The following COL12A1 variants were observed in gnomAD, a reference collection of about 807,000 sequenced individuals.
COL12A1 encodes collagen alpha-1(XII) chain.
A neutral mutation model predicts 349.7 loss-of-function variants in COL12A1; 114 were observed. The ratio of observed to expected loss-of-function variants is 0.33; its 90% CI spans 0.28 to 0.38. The LOEUF is 0.38. Among genes scored for constraint, COL12A1 ranks in the 10% least tolerant of loss-of-function variants. The pLI is 1.00. For missense variants in COL12A1, 3,284 were observed against 3,756.9 expected (o/e 0.87, Z 3.29); for synonymous variants, 1,369 against 1,329.0 (o/e 1.03, Z -0.66).
intron 13 of COL12A1, among the ~76,000 whole-genome samples, chr6:75,172,819 T>C (rs1582174407): frequency 6.6e-6 from 1 of 152,214 alleles, no homozygotes; most frequent in South Asian, 2.1e-4. Flanking sequence ...TCCACTTATA[T>C]GCAGATTTAT....
At chr6:75,117,588 T>C (rs747320948) in intron 46 of COL12A1, 42 bp from the exon 47 acceptor site, 7 of 1,593,594 alleles carry the variant, frequency 4.4e-6, no homozygotes, top group Non-Finnish European at 6.0e-6. Flanking sequence ...TATCTCTTTT[T>C]CTGTCCTTGT....
At chr6:75,115,340 T>C (rs568803859) in intron 49 of COL12A1, among the ~76,000 whole-genome samples, 150 of 152,182 alleles carry the variant, frequency 9.9e-4, no homozygotes, top group African/African-American at 3.5e-3. Context: ...CATCAGCCAA[T>C]AAAAACTACA....
chr6:75,136,298 TAA>T (rs1286018328), intron 31 of COL12A1, among the ~76,000 whole-genome samples: 1 of 152,230 alleles, frequency 6.6e-6, no homozygotes, highest in Non-Finnish European at 1.5e-5. Context: ...CAGTTGATAT[TAA>T]GTTTATTAAT....
rs1460088635 is a variant in COL12A1, at chr6:75,137,481, T to C, written c.5350A>G (p.Arg1784Gly). Residue 1784 changes from arginine (R) to glycine (G), a missense_variant, in exon 31 of 66, where the codon AGG (arginine) becomes GGG (glycine). This residue lies in a region of COL12A1 where 2,601 missense variants were observed against 2,824.8 expected (regional missense o/e 0.92). Coordinates refer to ENST00000322507, the MANE Select transcript of COL12A1 (RefSeq NM_004370.6). Reference protein sequence around the residue: ...DPASGRVQKYRITYQPSTGEG... With the variant: ...DPASGRVQKYGITYQPSTGEG... ...CCTGTGGAAGGCTGATAAGTGATCCTATATTTCTGCACACGACCACTAGCA... is the reference window on the plus strand; with the variant it reads ...CCTGTGGAAGGCTGATAAGTGATCCCATATTTCTGCACACGACCACTAGCA... The C allele has an allele frequency of 6.2e-7, 1 of 1,613,630 alleles. No homozygotes were observed. The highest frequency in any genetic ancestry group is 1.3e-5 in the African/African-American group (1 of 74,920).
At chr6:75,161,047 G>A (rs1215559389) in intron 14 of COL12A1, among the ~76,000 whole-genome samples, 1 of 152,044 alleles carries the variant, frequency 6.6e-6, no homozygotes, top group African/African-American at 2.4e-5. Context: ...GTAGCTCAGG[G>A]CGAAAGGGAG....
chr6:75,144,852 A>G lies in COL12A1; in HGVS notation c.4690+474T>C, dbSNP rs116143217. 1.2e-3 allele frequency among the ~76,000 whole-genome samples: 183 copies of G among 152,352 alleles called. 1 individual carries two copies. Among genetic ancestry groups the G allele is most frequent in the African/African-American group, 4.3e-3 (179 of 41,586 alleles). On this transcript the variant is annotated intron_variant, in intron 25 of 65. Coordinates refer to ENST00000322507, the MANE Select transcript of COL12A1 (RefSeq NM_004370.6). Reference sequence around the variant, plus strand: ...TGATTAATTCACTTAACTGAAACAGACTTAATCATATGTGCCACAGAGTTT... The same window carrying G: ...TGATTAATTCACTTAACTGAAACAGGCTTAATCATATGTGCCACAGAGTTT...
intron 59 of COL12A1, 90 bp downstream of exon 59, chr6:75,097,163 A>C: frequency 9.7e-7 from 1 of 1,028,216 alleles, no homozygotes; most frequent in Non-Finnish European, 1.5e-6. Flanking sequence ...CACAGCACAG[A>C]TGGAATGTGC....
At chr6:75,176,117 G>A (rs1195074945) in intron 12 of COL12A1, among the ~76,000 whole-genome samples, 1 of 152,226 alleles carries the variant, frequency 6.6e-6, no homozygotes, top group African/African-American at 2.4e-5. Flanking sequence ...ACCAATGGAA[G>A]AGAGGAGGAA....
At chr6:75,107,068 A>AT (rs911915361) in intron 52 of COL12A1, among the ~76,000 whole-genome samples, 3 of 150,564 alleles carry the variant, frequency 2.0e-5, no homozygotes, top group African/African-American at 7.3e-5. Flanking sequence ...TGCCCAGCTA[A>AT]TTTTTTTGTA....
Position 75,096,895 on chromosome 6 carries a change from C to CAAAAA in COL12A1, c.8577+353_8577+357dup, listed in dbSNP as rs35243223. 1.1e-3 allele frequency among the ~76,000 whole-genome samples: 83 copies of CAAAAA among 73,258 alleles called. 2 individuals carry two copies. Among genetic ancestry groups the CAAAAA allele is most frequent in the East Asian group, 3.4e-3 (9 of 2,644 alleles). 48.1% of individuals were successfully genotyped at this position (73,258 alleles called of 152,430 possible). ...TGGGCGACAGAGCGAGACTCCGTCT[C>CAAAAA]AAAAAAAAAAAAAAAAAAAAAAAAA... On this transcript the variant is annotated intron_variant, in intron 59 of 65. Coordinates refer to ENST00000322507, the MANE Select transcript of COL12A1 (RefSeq NM_004370.6).
rs59248449 is a variant in COL12A1 at position 75,176,606 on chromosome 6, A to G, written c.2437+1057T>C. On this transcript the variant is annotated intron_variant, in intron 12 of 65. Transcript: ENST00000322507. ...TTGTAAATGTCTGCAGTAGGACAGT[A>G]AAATCCACAAACTCAGATTCACCAT... 6.2e-3 allele frequency among the ~76,000 whole-genome samples: 947 copies of G among 152,276 alleles called. 10 individuals carry two copies. Among genetic ancestry groups the G allele is most frequent in the African/African-American group, 0.022 (894 of 41,548 alleles).
intron 14 of COL12A1, among the ~76,000 whole-genome samples, chr6:75,158,021 GA>G (rs1369185784): frequency 6.6e-6 from 1 of 151,956 alleles, no homozygotes; most frequent in East Asian, 1.9e-4. Flanking sequence ...TAAAACTTAA[GA>G]GTATTTATAA....
intron 8 of COL12A1, among the ~76,000 whole-genome samples, chr6:75,188,031 G>A (rs1335124588): frequency 6.6e-6 from 1 of 151,994 alleles, no homozygotes; most frequent in Non-Finnish European, 1.5e-5. Flanking sequence ...AGAGTGCAAG[G>A]TAATTAAAGC....
intron 2 of COL12A1, among the ~76,000 whole-genome samples, chr6:75,201,587 T>C (rs886203386): frequency 2.0e-5 from 3 of 151,542 alleles, no homozygotes; most frequent in East Asian, 1.9e-4. Context: ...GGCAGAAGTG[T>C]TTTTTTTCCT....
intron 14 of COL12A1, among the ~76,000 whole-genome samples, chr6:75,158,430 C>G (rs1767866459): frequency 6.6e-6 from 1 of 152,154 alleles, no homozygotes. Flanking sequence ...AGACCTTAAT[C>G]TTGAACTTTC....
rs1335522035 is a variant in COL12A1, at chr6:75,192,220, T to G, written c.326A>C (p.Gln109Pro). Reference protein sequence around the residue: ...EVEESVPVIGQLTIQTGSSTK... With the variant: ...EVEESVPVIGPLTIQTGSSTK... ...TTTATATGTGTGCTTACTTGTTAGT[T>G]GTCCTATAACTGGTACACTTTCTTC... The change falls in exon 4 of 66, where the codon CAA (glutamine) becomes CCA (proline). Residue 109 changes from glutamine (Q) to proline (P), a missense_variant. Around this residue, in one of 2 missense-constraint regions of COL12A1, gnomAD observed 2,601 missense variants for 2,824.8 expected, o/e 0.92. Transcript: ENST00000322507. The G allele has an allele frequency of 1.3e-6, 2 of 1,581,752 alleles. No homozygotes were observed. The highest frequency in any genetic ancestry group is 1.7e-6 in the Non-Finnish European group (2 of 1,162,294).
intron 59 of COL12A1, among the ~76,000 whole-genome samples, chr6:75,096,300 TCCC>T (rs1768021165): frequency 1.3e-5 from 2 of 152,062 alleles, no homozygotes; most frequent in Admixed American, 6.6e-5. Context: ...TGCATTTAAA[TCCC>T]CCATTACCTA....
intron 46 of COL12A1, 26 bp from the exon 47 acceptor site, chr6:75,117,572 A>T (rs756731918): frequency 6.2e-7 from 1 of 1,601,188 alleles, no homozygotes; most frequent in South Asian, 1.1e-5. Context: ...TATAGAATGA[A>T]TCACGTATCT....
In COL12A1 at chr6:75,085,332, G is replaced by C. The variant is rs1203667071; in HGVS notation, c.*1215C>G. The C allele has an allele frequency of 4.2e-6, 2 of 471,000 alleles. No individual in the cohort carries two copies. The highest frequency in any genetic ancestry group is 4.0e-5 in the African/African-American group (2 of 50,062). 29.2% of individuals were successfully genotyped at this position (471,000 alleles called of 1,614,324 possible). On this transcript the variant is annotated 3_prime_UTR_variant, in exon 66 of 66. Coordinates refer to ENST00000322507, the MANE Select transcript of COL12A1 (RefSeq NM_004370.6). ...CGGCACGATGAAGGGCTCGCGCTCA[G>C]GCAGGTAGGCCCCGCCCTCGGGCAC...
Sources: allele counts gnomAD v4.1 joint callset (sites outside exome capture counted in the v4.1 genomes callset), GRCh38; gene constraint gnomAD v4.1.1; regional missense constraint gnomAD v4.1.1; transcripts MANE v1.5; gene names NCBI Gene and HGNC (gene_info 2026-07-23, HGNC 2026-07-21).